KIF16B: variants seen among roughly 807,000 people sequenced by gnomAD.
The protein encoded by KIF16B is kinesin-like protein KIF16B.
KIF16B carries 98 observed loss-of-function variants against 156.3 expected under a neutral mutation model. The ratio of observed to expected loss-of-function variants is 0.63; its 90% confidence interval spans 0.53 to 0.74. The LOEUF is 0.74. Ranked by LOEUF, KIF16B falls within the 30% of genes least tolerant of loss-of-function variation. KIF16B has a pLI of 0.00. For synonymous variants in KIF16B, 564 were observed against 583.7 expected (o/e 0.97, Z 0.49); for missense variants, 1,421 against 1,606.5 (o/e 0.88, Z 1.97).
In KIF16B at chr20:16,387,578, T is replaced by C. The variant is rs117726550; in HGVS notation, c.1785-5831A>G. 1.3e-3 allele frequency among the ~76,000 whole-genome samples: 193 copies of C among 152,228 alleles called. 3 individuals are homozygous for C. The East Asian group carries it at 0.026, about 21-fold the overall frequency. On this transcript the variant is annotated intron_variant, in intron 17 of 25. Transcript: ENST00000354981. ...AGGGAGTGCTATTTAAGTAACTAGA[T>C]TGCAAGATGAGTTAGTTTCAAAGAA...
At chr20:16,523,930 T>C (rs1054451859) in intron 3 of KIF16B, among the ~76,000 whole-genome samples, 5 of 152,190 alleles carry the variant, frequency 3.3e-5, no homozygotes, top group African/African-American at 1.2e-4. Flanking sequence ...GGGGAAAGGA[T>C]TCCCTATTTA....
chr20:16,503,640 T>C (rs1185627631), intron 10 of KIF16B, among the ~76,000 whole-genome samples: 1 of 152,220 alleles, frequency 6.6e-6, no homozygotes, highest in Admixed American at 6.5e-5. Flanking sequence ...CCAGTCTAAC[T>C]TCAACATTTA....
rs145478634 is a variant in KIF16B, at chr20:16,481,392, T to G, written c.1302+12899A>C. On this transcript the variant is annotated intron_variant, in intron 12 of 25. Transcript: ENST00000354981. ...TTTCTGTAGAGACAGGGTCTCTCTA[T>G]GTTGCCCAGGCTGGTCTCAAACTCC... Among the ~76,000 whole-genome samples, 1,059 of 152,210 alleles carry G rather than the reference T, an allele frequency of 7.0e-3. 21 individuals carry two copies. Among genetic ancestry groups the G allele is most frequent in the African/African-American group, 0.025 (1,020 of 41,530 alleles).
chr20:16,362,996 C>T (rs1306847446), intron 22 of KIF16B, among the ~76,000 whole-genome samples: 1 of 152,116 alleles, frequency 6.6e-6, no homozygotes, highest in African/African-American at 2.4e-5. Flanking sequence ...TAGCATACTA[C>T]AACACTGCAT....
chr20:16,340,172 T>C (rs1027909213), intron 23 of KIF16B, among the ~76,000 whole-genome samples: 1 of 152,194 alleles, frequency 6.6e-6, no homozygotes, highest in Non-Finnish European at 1.5e-5. Context: ...AGACTTTGCA[T>C]ATGCTTTTCC....
chr20:16,289,908 A>AG (rs957878891), intron 25 of KIF16B, among the ~76,000 whole-genome samples: 11 of 152,236 alleles, frequency 7.2e-5, no homozygotes, highest in Non-Finnish European at 1.5e-4. Context: ...ATGGAAAATC[A>AG]CATTTAAAAA....
intron 25 of KIF16B, among the ~76,000 whole-genome samples, chr20:16,291,044 A>G (rs6043868): frequency 1.3e-5 from 2 of 152,254 alleles, no homozygotes; most frequent in Non-Finnish European, 2.9e-5. Context: ...TACATTGAAT[A>G]CATGTACATC....
chr20:16,429,407 G>A (rs6111112), intron 13 of KIF16B, among the ~76,000 whole-genome samples: 2 of 152,140 alleles, frequency 1.3e-5, no homozygotes, highest in Non-Finnish European at 2.9e-5. Flanking sequence ...CTAAAGTCAA[G>A]GTTACAGGGG....
intron 25 of KIF16B, among the ~76,000 whole-genome samples, chr20:16,292,004 CA>C (rs1443411772): frequency 6.6e-6 from 1 of 152,172 alleles, no homozygotes; most frequent in Non-Finnish European, 1.5e-5. Context: ...GAGAAAAAGG[CA>C]ATGGCTTCAT....
intron 25 of KIF16B, among the ~76,000 whole-genome samples, chr20:16,299,543 C>G (rs899650386): frequency 6.6e-6 from 1 of 152,074 alleles, no homozygotes; most frequent in Non-Finnish European, 1.5e-5. Flanking sequence ...TTAACACATC[C>G]AACACTCTTA....
intron 25 of KIF16B, among the ~76,000 whole-genome samples, chr20:16,278,194 C>A (rs2063093130): frequency 6.6e-6 from 1 of 151,450 alleles, no homozygotes; most frequent in African/African-American, 2.4e-5. Context: ...CAGGGGGCCA[C>A]AGAGAGACAG....
Position 16,429,967 on chromosome 20 carries a change from G to C in KIF16B, c.1318C>G (p.Leu440Val). Residue 440 changes from leucine (L) to valine (V), a missense_variant, in exon 13 of 26, where the codon CTC becomes GTC. Transcript: ENST00000354981. ...ACAACTCCAATCCCTTCTTTCCTGA[G>C]GGCTAGAGTTTGTTCCTGAAATTAA... Reference protein sequence around the residue: ...QNILKEQTLALRKEGIGVVLD... With the variant: ...QNILKEQTLAVRKEGIGVVLD... 6.2e-7 allele frequency: 1 copy of C among 1,605,062 alleles called. No homozygotes were observed. The highest frequency in any genetic ancestry group is 1.1e-5 in the South Asian group (1 of 88,194).
chr20:16,499,397 C>CAT (rs1228493764), intron 10 of KIF16B, among the ~76,000 whole-genome samples: 1 of 152,196 alleles, frequency 6.6e-6, no homozygotes, highest in Non-Finnish European at 1.5e-5. Flanking sequence ...AGACAGGTGT[C>CAT]ATCCCACTTT....
chr20:16,397,437 C>T (rs2065535808), intron 17 of KIF16B, among the ~76,000 whole-genome samples: 1 of 152,174 alleles, frequency 6.6e-6, no homozygotes, highest in Non-Finnish European at 1.5e-5. Context: ...TAGGCTGATA[C>T]AATGTTCTTG....
At chr20:16,371,014 A>C (rs535004335) in intron 21 of KIF16B, among the ~76,000 whole-genome samples, 84 of 152,334 alleles carry the variant, frequency 5.5e-4, no homozygotes, top group African/African-American at 1.9e-3. Context: ...AAAATAAATA[A>C]CTACGGAAAT....
chr20:16,307,319 T>A (rs1601537271), intron 25 of KIF16B, among the ~76,000 whole-genome samples: 1 of 152,196 alleles, frequency 6.6e-6, no homozygotes, highest in African/African-American at 2.4e-5. Context: ...AAAATGCACC[T>A]TTCATCAATG....
intron 25 of KIF16B, among the ~76,000 whole-genome samples, chr20:16,275,505 ATCT>A (rs2063047750): frequency 1.3e-5 from 2 of 152,238 alleles, no homozygotes; most frequent in Admixed American, 6.5e-5. Context: ...CTGGAATCAC[ATCT>A]TCTTCTGGTA....
chr20:16,368,187 T>C (rs900768761), intron 22 of KIF16B: 38 of 1,078,798 alleles, frequency 3.5e-5, no homozygotes, highest in African/African-American at 4.9e-5. Context: ...GGTCCGGGAA[T>C]TGCACAAGGC....
Position 16,464,357 on chromosome 20 carries a change from AG to A in KIF16B, c.1302+29933del, listed in dbSNP as rs1200819810. Reference sequence around the variant, plus strand: ...ATGACAAATTGGATATAAAAATTCAAGGAGAAAACAGAATGATATAAAATTT... The same window carrying A: ...ATGACAAATTGGATATAAAAATTCAAGAGAAAACAGAATGATATAAAATTT... On this transcript the variant is annotated intron_variant, in intron 12 of 25. Transcript: ENST00000354981. Among the ~76,000 whole-genome samples the A allele has an allele frequency of 2.0e-5, 3 of 152,208 alleles. No homozygotes were observed. In the East Asian group the frequency reaches 5.8e-4, roughly 29 times the overall value.
Sources: gnomAD v4.1 joint callset for allele counts (sites outside exome capture counted in the v4.1 genomes callset) on GRCh38, gnomAD v4.1.1 for gene constraint, MANE v1.5 for transcripts, NCBI Gene and HGNC (gene_info 2026-07-23, HGNC 2026-07-21) for gene names.